Variants in MMP26 observed in about 807,000 individuals in gnomAD.
MMP26 encodes the protein matrix metallopeptidase 26, also known as matrix metalloproteinase-26.
A neutral mutation model predicts 31.0 loss-of-function variants in MMP26; 33 were observed. The observed-to-expected ratio is 1.06, with a 90% CI of 0.81 to 1.42. The LOEUF is 1.42. Among genes scored for constraint, MMP26 ranks in the 40% most tolerant of loss-of-function variants. The probability of loss-of-function intolerance (pLI) is 0.00; values close to 1 mark genes in which losing one functional copy is unlikely to be tolerated. For missense variants in MMP26, 347 were observed against 316.1 expected (o/e 1.10, Z -0.74); for synonymous variants, 122 against 114.9 (o/e 1.06, Z -0.40).
chr11:4,939,677 C>T (rs1248406843), intron 2 of MMP26, among the ~76,000 whole-genome samples: 2 of 152,070 alleles, frequency 1.3e-5, no homozygotes, highest in African/African-American at 4.8e-5. Context: ...TTTCTTAGTG[C>T]TTATGGGGTC....
In MMP26 at chr11:4,803,795, T is replaced by C. The variant is rs759425676; in HGVS notation, c.-145+36454T>C. 17 of 1,612,388 alleles carry C rather than the reference T, an allele frequency of 1.1e-5. No homozygotes were observed. In the Admixed American group the frequency reaches 1.7e-4, roughly 16 times the overall value. Reference sequence around the variant, plus strand: ...AAGAGCCCATTCCCACGACTTATGCTTGTATCAGCACACACCAACTTCAGC... The same window carrying C: ...AAGAGCCCATTCCCACGACTTATGCCTGTATCAGCACACACCAACTTCAGC... On this transcript the variant is annotated intron_variant, in intron 2 of 7. Transcript: ENST00000380390.
intron 2 of MMP26, among the ~76,000 whole-genome samples, chr11:4,808,570 G>A (rs371900969): frequency 1.3e-5 from 2 of 151,950 alleles, no homozygotes; most frequent in South Asian, 2.1e-4. Flanking sequence ...GAAGTGATGA[G>A]TTTCTCCTCA....
intron 2 of MMP26, among the ~76,000 whole-genome samples, chr11:4,771,778 T>A (rs1848725462): frequency 6.6e-6 from 1 of 152,212 alleles, no homozygotes. Context: ...TGATTTTCAA[T>A]TCAATCTGAG....
chr11:4,750,695 C>T (rs1246676097), intron 1 of MMP26, among the ~76,000 whole-genome samples: 1 of 151,944 alleles, frequency 6.6e-6, no homozygotes, highest in African/African-American at 2.4e-5. Context: ...TGCATGTTCT[C>T]ACTTATAAGT....
chr11:4,841,542 T>C (rs987073119), intron 2 of MMP26, among the ~76,000 whole-genome samples: 2 of 152,130 alleles, frequency 1.3e-5, no homozygotes, highest in Non-Finnish European at 2.9e-5. Flanking sequence ...CCAAGAATAA[T>C]ATATCCAGTG....
At chr11:4,746,180 T>C (rs562046738) in intron 1 of MMP26, among the ~76,000 whole-genome samples, 1 of 152,376 alleles carries the variant, frequency 6.6e-6, no homozygotes, top group East Asian at 1.9e-4. Context: ...ATTTCGAGTA[T>C]TTTCTCACAT....
At chr11:4,740,056 T>C (rs1848291816) in intron 1 of MMP26, among the ~76,000 whole-genome samples, 1 of 152,194 alleles carries the variant, frequency 6.6e-6, no homozygotes, top group African/African-American at 2.4e-5. Context: ...TTGCTGATTA[T>C]GAAGTGATTC....
intron 2 of MMP26, among the ~76,000 whole-genome samples, chr11:4,802,274 T>C (rs1302159091): frequency 6.6e-6 from 1 of 152,194 alleles, no homozygotes; most frequent in Non-Finnish European, 1.5e-5. Flanking sequence ...TTTCTTTTGT[T>C]CCCTATTCTA....
At chr11:4,750,913 A>AT (rs140570978) in intron 1 of MMP26, among the ~76,000 whole-genome samples, 15,243 of 151,220 alleles carry the variant, frequency 0.1, 857 homozygotes, top group Middle Eastern at 0.13. Context: ...CCCTAAATCT[A>AT]TTTTTTTTTA....
chr11:4,961,332 G>A (rs1846517723), intron 2 of MMP26, among the ~76,000 whole-genome samples: 1 of 152,178 alleles, frequency 6.6e-6, no homozygotes, highest in Admixed American at 6.5e-5. Context: ...TTCTGTATCT[G>A]TTCCCTCTGG....
intron 2 of MMP26, chr11:4,907,233 T>C (rs1850909144): frequency 1.7e-6 from 1 of 596,972 alleles, no homozygotes; most frequent in African/African-American, 1.9e-5. Flanking sequence ...TGCAGTTGAT[T>C]AGCAGCCAAA....
chr11:4,959,683 C>A (rs1846494282), intron 2 of MMP26, among the ~76,000 whole-genome samples: 1 of 152,138 alleles, frequency 6.6e-6, no homozygotes, highest in South Asian at 2.1e-4. Context: ...CCAGTTCAAT[C>A]ATTTATTGTG....
chr11:4,912,710 A>G (rs1367656352), intron 2 of MMP26: 1 of 152,232 alleles, frequency 6.6e-6, no homozygotes, highest in African/African-American at 2.4e-5. Flanking sequence ...GTTACGTAAC[A>G]GGCAGCTATA....
intron 2 of MMP26, among the ~76,000 whole-genome samples, chr11:4,776,088 C>T (rs945448066): frequency 5.3e-5 from 8 of 152,148 alleles, no homozygotes; most frequent in Non-Finnish European, 8.8e-5. Context: ...AAGATCATGG[C>T]CTCCAGTTTC....
At chr11:4,708,348 G>T (rs1204904369) in intron 1 of MMP26, among the ~76,000 whole-genome samples, 1 of 152,124 alleles carries the variant, frequency 6.6e-6, no homozygotes, top group African/African-American at 2.4e-5. Context: ...AATACCTAGA[G>T]AAATGCCCTC....
At chr11:4,842,492 T>A (rs755704484) in intron 2 of MMP26, among the ~76,000 whole-genome samples, 1 of 152,218 alleles carries the variant, frequency 6.6e-6, no homozygotes, top group Non-Finnish European at 1.5e-5. Context: ...CTTCACATGG[T>A]GACGGGAGAG....
At chr11:4,724,071 C>A in intron 1 of MMP26, 1 of 651,354 alleles carries the variant, frequency 1.5e-6, no homozygotes. Context: ...GCTTGAGGAG[C>A]TGATGCAGGC....
At chr11:4,888,964 G>A (rs1850580010) in intron 2 of MMP26, among the ~76,000 whole-genome samples, 2 of 152,124 alleles carry the variant, frequency 1.3e-5, no homozygotes, top group South Asian at 4.1e-4. Context: ...TGTCTGCAAG[G>A]GAGTACAATC....
chr11:4,797,061 T>C (rs978480195), intron 2 of MMP26, among the ~76,000 whole-genome samples: 4 of 152,090 alleles, frequency 2.6e-5, no homozygotes, highest in African/African-American at 9.7e-5. Context: ...CACATATTTA[T>C]TCATGTAACA....
Sources: gnomAD v4.1 joint callset for allele counts (sites outside exome capture counted in the v4.1 genomes callset) on GRCh38, gnomAD v4.1.1 for gene constraint, MANE v1.5 for transcripts, NCBI Gene and HGNC (gene_info 2026-07-23, HGNC 2026-07-21) for gene names.